SLC35F4: variants seen among roughly 807,000 people sequenced by gnomAD.
SLC35F4 encodes solute carrier family 35 member F4, also known as chromosome 14 open reading frame 36.
SLC35F4 carries 24 observed loss-of-function variants against 44.2 expected under a neutral mutation model. The observed-to-expected ratio is 0.54, with a 90% CI of 0.39 to 0.76. The LOEUF is 0.76. Among genes scored for constraint, SLC35F4 ranks in the 30% least tolerant of loss-of-function variants. SLC35F4 has a pLI of 0.00. For missense variants in SLC35F4, 562 were observed against 586.1 expected (o/e 0.96, Z 0.42); for synonymous variants, 238 against 223.6 (o/e 1.06, Z -0.57).
intron 1 of SLC35F4, among the ~76,000 whole-genome samples, chr14:57,714,308 TAAATA>T (rs1412807600): frequency 2.0e-5 from 3 of 152,156 alleles, no homozygotes; most frequent in Admixed American, 6.5e-5. Flanking sequence ...CAAAACATGA[TAAATA>T]AAAATCCCAG....
At chr14:57,709,772 A>G (rs563790969) in intron 1 of SLC35F4, among the ~76,000 whole-genome samples, 1 of 152,332 alleles carries the variant, frequency 6.6e-6, no homozygotes, top group East Asian at 1.9e-4. Flanking sequence ...TATCTGGTAG[A>G]AGAAATTTCT....
intron 1 of SLC35F4, among the ~76,000 whole-genome samples, chr14:57,658,657 G>C (rs774202222): frequency 3.3e-5 from 5 of 152,116 alleles, no homozygotes; most frequent in African/African-American, 9.7e-5. Context: ...CTGAGATCCA[G>C]TTTAAAACCA....
At chr14:57,651,061 C>T (rs1208936784) in intron 1 of SLC35F4, among the ~76,000 whole-genome samples, 1 of 152,158 alleles carries the variant, frequency 6.6e-6, no homozygotes, top group Non-Finnish European at 1.5e-5. Flanking sequence ...GCTTATGTCA[C>T]AATCCCAAAC....
chr14:57,692,709 G>C (rs75018510), intron 1 of SLC35F4, among the ~76,000 whole-genome samples: 1 of 151,886 alleles, frequency 6.6e-6, no homozygotes, highest in Non-Finnish European at 1.5e-5. Context: ...TTAATCTGTA[G>C]TGAGGGATCA....
intron 1 of SLC35F4, among the ~76,000 whole-genome samples, chr14:57,719,210 C>A (rs747171688): frequency 6.6e-6 from 1 of 152,104 alleles, no homozygotes; most frequent in Non-Finnish European, 1.5e-5. Context: ...TGTTTTTATG[C>A]CAGTACCATG....
rs72724914 is a variant in SLC35F4 at position 57,588,229 on chromosome 14, T to G, written c.587+987A>C. Among the ~76,000 whole-genome samples, 1,098 of 152,358 alleles carry G rather than the reference T, an allele frequency of 7.2e-3. 10 individuals are homozygous for G. Among genetic ancestry groups the G allele is most frequent in the South Asian group, 0.033 (159 of 4,826 alleles). On this transcript the variant is annotated intron_variant, in intron 3 of 7. Transcript: ENST00000556826. The stretch of plus-strand genomic sequence containing the variant: ...TAAGTTTATAAGAAGAGTCGTATAA[T>G]GTACCAGTTGTAATAATTTCTTTTC...
At chr14:57,765,518 T>C (rs726218) in intron 1 of SLC35F4, among the ~76,000 whole-genome samples, 17,897 of 152,308 alleles carry the variant, frequency 0.12, 1,306 homozygotes, top group South Asian at 0.19. Flanking sequence ...GTTCCAAAAT[T>C]TGAAGACTGG....
chr14:57,826,690 G>A (rs957100600), intron 1 of SLC35F4, among the ~76,000 whole-genome samples: 7 of 151,544 alleles, frequency 4.6e-5, no homozygotes, highest in Non-Finnish European at 8.8e-5. Flanking sequence ...GTAAGAAGTG[G>A]GTGAAGGACA....
intron 1 of SLC35F4, among the ~76,000 whole-genome samples, chr14:57,760,481 C>T (rs115440935): frequency 1.3e-5 from 2 of 152,126 alleles, no homozygotes; most frequent in South Asian, 2.1e-4. Flanking sequence ...CAGCTTTGTT[C>T]TGGCTATCCA....
chr14:57,971,759 T>C (rs1009044253), downstream of SLC35F4, among the ~76,000 whole-genome samples: 14 of 152,168 alleles, frequency 9.2e-5, no homozygotes, highest in African/African-American at 2.4e-4. Flanking sequence ...TGGGGAGATG[T>C]TGGCCAGAGG....
At chr14:57,718,480 C>T (rs1300578969) in intron 1 of SLC35F4, among the ~76,000 whole-genome samples, 1 of 152,168 alleles carries the variant, frequency 6.6e-6, no homozygotes, top group Non-Finnish European at 1.5e-5. Flanking sequence ...TGAGGATTCT[C>T]TTTTATCCAC....
chr14:57,669,948 T>G (rs1383633643), intron 1 of SLC35F4, among the ~76,000 whole-genome samples: 1 of 152,104 alleles, frequency 6.6e-6, no homozygotes, highest in Non-Finnish European at 1.5e-5. Context: ...CGGCTATGAA[T>G]CCATCTGGTC....
At chr14:57,569,716 C>G (rs1446492779) in intron 6 of SLC35F4, 72 bp downstream of exon 6, 1 of 1,405,496 alleles carries the variant, frequency 7.1e-7, no homozygotes, top group Non-Finnish European at 9.4e-7. Flanking sequence ...GGAAATAATC[C>G]TATGATGATA....
chr14:57,958,867 G>A (rs1401046484), intron 1 of SLC35F4, among the ~76,000 whole-genome samples: 1 of 152,188 alleles, frequency 6.6e-6, no homozygotes, highest in African/African-American at 2.4e-5. Flanking sequence ...TGCCTAGAAG[G>A]TCTAACTCCC....
At chr14:57,839,202 A>G (rs1885245307) in intron 1 of SLC35F4, among the ~76,000 whole-genome samples, 1 of 152,128 alleles carries the variant, frequency 6.6e-6, no homozygotes, top group Admixed American at 6.5e-5. Context: ...TTCATTATTC[A>G]CCAATATTTC....
chr14:57,572,704 C>T (rs1416504667), intron 4 of SLC35F4, among the ~76,000 whole-genome samples: 2 of 152,188 alleles, frequency 1.3e-5, no homozygotes, highest in African/African-American at 4.8e-5. Flanking sequence ...TACTCTAGAG[C>T]ATTAACTGCA....
chr14:57,708,152 C>T (rs1171308656), intron 1 of SLC35F4, among the ~76,000 whole-genome samples: 2 of 152,152 alleles, frequency 1.3e-5, no homozygotes, highest in African/African-American at 2.4e-5. Context: ...AGATATTTTG[C>T]AGACCCTGCA....
At chr14:57,814,466 C>T (rs1882341741) in intron 1 of SLC35F4, among the ~76,000 whole-genome samples, 1 of 152,228 alleles carries the variant, frequency 6.6e-6, no homozygotes, top group African/African-American at 2.4e-5. Flanking sequence ...AGCAGTCTTT[C>T]TTCTCTATAG....
chr14:57,885,733 G>T (rs1330066352), intron 1 of SLC35F4, among the ~76,000 whole-genome samples: 1 of 152,194 alleles, frequency 6.6e-6, no homozygotes, highest in East Asian at 1.9e-4. Context: ...TATCATCACA[G>T]AATGTTCTAT....
Sources: gnomAD v4.1 joint callset for allele counts (sites outside exome capture counted in the v4.1 genomes callset) on GRCh38, gnomAD v4.1.1 for gene constraint, MANE v1.5 for transcripts, NCBI Gene and HGNC (gene_info 2026-07-23, HGNC 2026-07-21) for gene names.